ARHGEF7: variants seen among roughly 807,000 people sequenced by gnomAD.
ARHGEF7 encodes the protein PAK-interacting exchange factor beta.
In ARHGEF7, 33 loss-of-function variants were observed where a neutral mutation model predicts 109.8. That is an observed-to-expected ratio of 0.30 (90% CI 0.23 to 0.40). ARHGEF7 has a LOEUF of 0.40. Among genes scored for constraint, ARHGEF7 ranks in the 10% least tolerant of loss-of-function variants. ARHGEF7 has a pLI of 1.00. For synonymous variants in ARHGEF7, 458 were observed against 424.6 expected (o/e 1.08, Z -0.97); for missense variants, 938 against 1,098.5 (o/e 0.85, Z 2.07).
At chr13:111,185,961 CGTGTGTGTGT>C (rs71127998) in intron 2 of ARHGEF7, among the ~76,000 whole-genome samples, 1,926 of 135,856 alleles carry the variant, frequency 0.014, 41 homozygotes, top group African/African-American at 0.045. Context: ...TTTGGGAGCT[CGTGTGTGTGT>C]GTGTGTGTGT....
intron 1 of ARHGEF7, among the ~76,000 whole-genome samples, chr13:111,141,504 G>A (rs780413869): frequency 1.3e-5 from 2 of 152,204 alleles, no homozygotes; most frequent in African/African-American, 4.8e-5. Flanking sequence ...GAACCTCTAC[G>A]TATTCAGCTG....
At chr13:111,247,990 G>A (rs1292995642) in intron 8 of ARHGEF7, among the ~76,000 whole-genome samples, 1 of 152,132 alleles carries the variant, frequency 6.6e-6, no homozygotes, top group East Asian at 1.9e-4. Flanking sequence ...TTGCCATGTA[G>A]GACTTCTGTC....
chr13:111,132,926 A>G (rs1225043340), intron 1 of ARHGEF7, among the ~76,000 whole-genome samples: 1 of 152,110 alleles, frequency 6.6e-6, no homozygotes, highest in African/African-American at 2.4e-5. Flanking sequence ...ACATACATGT[A>G]CACACATAAG....
At chr13:111,263,000 A>T (rs991525621) in intron 8 of ARHGEF7, among the ~76,000 whole-genome samples, 9 of 152,098 alleles carry the variant, frequency 5.9e-5, no homozygotes, top group African/African-American at 2.2e-4. Context: ...ATGTTATCAC[A>T]CTCTGAAGAG....
At chr13:111,248,912 T>C (rs1244962428) in intron 8 of ARHGEF7, among the ~76,000 whole-genome samples, 5 of 152,234 alleles carry the variant, frequency 3.3e-5, no homozygotes, top group African/African-American at 1.2e-4. Context: ...CTCTTGATCA[T>C]GTTAGGTTTC....
intron 2 of ARHGEF7, among the ~76,000 whole-genome samples, chr13:111,180,165 A>G (rs1188213448): frequency 6.6e-6 from 1 of 152,212 alleles, no homozygotes; most frequent in Non-Finnish European, 1.5e-5. Context: ...GTGGGCATCT[A>G]AGCCCGCAAG....
intron 19 of ARHGEF7, among the ~76,000 whole-genome samples, chr13:111,299,004 G>GA (rs147219701): frequency 0.014 from 2,147 of 152,348 alleles, 53 homozygotes; most frequent in African/African-American, 0.048. Flanking sequence ...CCAGGTGACA[G>GA]AGCAGCACTT....
chr13:111,259,945 T>C (rs1348680408), intron 8 of ARHGEF7, among the ~76,000 whole-genome samples: 1 of 152,036 alleles, frequency 6.6e-6, no homozygotes, highest in Non-Finnish European at 1.5e-5. Flanking sequence ...CAAGCAGAAA[T>C]TCTGGAGTTG....
chr13:111,281,181 CTTTTTTTTTTTTTTTT>C (rs11403258), intron 15 of ARHGEF7: 3 of 59,422 alleles, frequency 5.0e-5, no homozygotes, highest in South Asian at 9.3e-4. Flanking sequence ...TATTTAGAGA[CTTTTTTTTTTTTTTTT>C]TTTTTTTTTT....
rs150538221 is a variant in ARHGEF7, at chr13:111,153,913, C to G, written c.174C>G (p.Pro58=). 3 of 1,605,038 alleles carry G rather than the reference C, an allele frequency of 1.9e-6. No individual in the cohort carries two copies. The highest frequency in any genetic ancestry group is 1.4e-5 in the African/African-American group (1 of 73,216). The part of the protein sequence containing the change: ...LLPGTIEKVY[P]EPRSESECLS... ...TGTGCTCTGTATTGCAGGTCTACCC[C>G]GAGCCCCGGAGCGAGAGCGAGTGCC... is the stretch of plus-strand genomic sequence containing the variant. Residue 58 remains proline, a synonymous_variant, in exon 2 of 22, where the codon CCC becomes CCG. Transcript: ENST00000646102.
intron 2 of ARHGEF7, among the ~76,000 whole-genome samples, chr13:111,177,437 T>A (rs1221211627): frequency 6.6e-6 from 1 of 152,220 alleles, no homozygotes; most frequent in Non-Finnish European, 1.5e-5. Flanking sequence ...TGAGATGTGC[T>A]ATCAGTGGAG....
intron 8 of ARHGEF7, among the ~76,000 whole-genome samples, chr13:111,261,760 T>C (rs1029895745): frequency 6.6e-6 from 1 of 152,220 alleles, no homozygotes; most frequent in Non-Finnish European, 1.5e-5. Flanking sequence ...AAAATATAAT[T>C]TTATCAAGAT....
intron 2 of ARHGEF7, among the ~76,000 whole-genome samples, chr13:111,170,234 A>C (rs1246458070): frequency 6.6e-6 from 1 of 152,052 alleles, no homozygotes; most frequent in Admixed American, 6.5e-5. Flanking sequence ...AGTAGCTGAG[A>C]TTACAGGCAT....
At chr13:111,210,497 T>A (rs2082362696) in intron 4 of ARHGEF7, among the ~76,000 whole-genome samples, 1 of 152,202 alleles carries the variant, frequency 6.6e-6, no homozygotes, top group South Asian at 2.1e-4. Context: ...AATGACTGAT[T>A]GGGACGCAGA....
intron 2 of ARHGEF7, among the ~76,000 whole-genome samples, chr13:111,161,877 C>T (rs1330083896): frequency 6.6e-6 from 1 of 152,058 alleles, no homozygotes; most frequent in Middle Eastern, 3.2e-3. Flanking sequence ...AATTATTTTA[C>T]TACTGATTTT....
chr13:111,218,149 T>A (rs1237885906), intron 5 of ARHGEF7, among the ~76,000 whole-genome samples: 1 of 152,182 alleles, frequency 6.6e-6, no homozygotes, highest in Non-Finnish European at 1.5e-5. Flanking sequence ...CATTGCAGTT[T>A]TACTGTGAAA....
chr13:111,195,014 T>C (rs545750969), intron 2 of ARHGEF7, among the ~76,000 whole-genome samples: 2 of 152,318 alleles, frequency 1.3e-5, no homozygotes, highest in East Asian at 3.9e-4. Flanking sequence ...CACTGACGAT[T>C]GGGTTTTTGT....
At chr13:111,302,593 G>A (rs76937833) in intron 21 of ARHGEF7, among the ~76,000 whole-genome samples, 2,363 of 152,254 alleles carry the variant, frequency 0.016, 59 homozygotes, top group African/African-American at 0.053. Context: ...GCAGGTGCTC[G>A]CCCACTTGCT....
intron 8 of ARHGEF7, chr13:111,265,656 G>T (rs2091562300): frequency 2.2e-6 from 1 of 456,524 alleles, no homozygotes; most frequent in Admixed American, 2.3e-5. Context: ...GTCTGAATGT[G>T]TTTCCCCAGA....
Sources: gnomAD v4.1 joint callset for allele counts (sites outside exome capture counted in the v4.1 genomes callset) on GRCh38, gnomAD v4.1.1 for gene constraint, MANE v1.5 for transcripts, NCBI Gene and HGNC (gene_info 2026-07-23, HGNC 2026-07-21) for gene names.